Variants in APC observed in about 807,000 individuals in gnomAD.
APC encodes adenomatous polyposis coli protein.
In APC, 72 loss-of-function variants were observed where a neutral mutation model predicts 247.0. The observed-to-expected ratio is 0.29, with a 90% CI of 0.24 to 0.35. APC has a LOEUF of 0.35. APC is among the 10% of genes least tolerant of loss of function. The pLI, the probability that APC is intolerant of heterozygous loss-of-function variation, is 1.00. For synonymous variants in APC, 1,254 were observed against 1,162.5 expected (o/e 1.08, Z -1.60); for missense variants, 3,400 against 3,360.7 (o/e 1.01, Z -0.29).
In APC at chr5:112,845,507, C is replaced by G. The variant is rs1482317946; in HGVS notation, c.*1381C>G. On this transcript the variant is annotated 3_prime_UTR_variant, in exon 16 of 16. Coordinates refer to ENST00000257430, the MANE Select transcript of APC (RefSeq NM_000038.6). Reference sequence around the variant, plus strand: ...ATCACCCTGTATGTTAGGGCAAGATCTCAGCAGTGAAGTATAATCAGCACT... The same window carrying G: ...ATCACCCTGTATGTTAGGGCAAGATGTCAGCAGTGAAGTATAATCAGCACT... 3 of 233,190 alleles carry G rather than the reference C, an allele frequency of 1.3e-5. No individual in the cohort carries two copies. The highest frequency in any genetic ancestry group is 1.2e-3 in the Middle Eastern group (1 of 806). 14.4% of individuals were successfully genotyped at this position (233,190 alleles called of 1,614,324 possible).
chr5:112,806,327 CT>C (rs1458404341), intron 8 of APC, among the ~76,000 whole-genome samples: 1 of 152,102 alleles, frequency 6.6e-6, no homozygotes, highest in African/African-American at 2.4e-5. Flanking sequence ...GGGATTCTAT[CT>C]AGTTTTGTTA....
intron 2 of APC, among the ~76,000 whole-genome samples, chr5:112,765,445 C>G (rs1756180142): frequency 6.6e-6 from 1 of 152,116 alleles, no homozygotes; most frequent in Non-Finnish European, 1.5e-5. Flanking sequence ...ATCAGTGAAA[C>G]CGTCTTTGCT....
chr5:112,824,049 G>A (rs907405478), intron 11 of APC, among the ~76,000 whole-genome samples: 1 of 152,162 alleles, frequency 6.6e-6, no homozygotes, highest in Non-Finnish European at 1.5e-5. Context: ...TAAAACAAAA[G>A]CAATATGCTT....
At position 112,841,104 on chromosome 5, in the gene APC, G is replaced by A. The variant is rs1580660851; in HGVS notation, c.5510G>A (p.Ser1837Asn). 1.2e-6 allele frequency: 2 copies of A among 1,613,044 alleles called. No homozygotes were observed. Among genetic ancestry groups the A allele is most frequent in the Non-Finnish European group, 1.7e-6 (2 of 1,179,058 alleles). ...LPNNEDRVRGSFAFDSPHHYT... is the reference protein window; with the variant it reads ...LPNNEDRVRGNFAFDSPHHYT... ...AATAATGAAGATAGAGTCAGAGGAA[G>A]TTTTGCTTTTGATTCACCTCATCAT... Residue 1837 changes from serine (S) to asparagine (N), a missense_variant, in exon 16 of 16, where the codon AGT (serine) becomes AAT (asparagine). This residue lies in a region of APC where 1,788 missense variants were observed against 1,649.5 expected (regional missense o/e 1.08). Transcript: ENST00000257430. The surrounding 1 kb of genome is among the most constrained non-coding windows in gnomAD (Gnocchi z 4.6).
chr5:112,818,855 G>GGGTGTTTTTTTTTTTT, intron 9 of APC, 111 bp from the exon 10 acceptor site: 4 of 1,118,282 alleles, frequency 3.6e-6, no homozygotes, highest in East Asian at 2.6e-5. Context: ...GGCGGGGGGG[G>GGGTGTTTTTTTTTTTT]TTGTTTTGTT....
Position 112,845,033 on chromosome 5 carries a change from T to C in APC, c.*907T>C, listed in dbSNP as rs1203089226. ...GGGTCTTGTTTCACATTTGTATTAATAATTGTTTAAAATGCCTCTTTTAAA... is the reference window on the plus strand; with the variant it reads ...GGGTCTTGTTTCACATTTGTATTAACAATTGTTTAAAATGCCTCTTTTAAA... On this transcript the variant is annotated 3_prime_UTR_variant, in exon 16 of 16. Coordinates refer to ENST00000257430, the MANE Select transcript of APC (RefSeq NM_000038.6). 1.7e-5 allele frequency: 4 copies of C among 232,122 alleles called. No homozygotes were observed. Among genetic ancestry groups the C allele is most frequent in the Non-Finnish European group, 3.4e-5 (4 of 117,298 alleles). The allele number at this position is 232,122 out of a possible 1,614,324, so 14.4% of individuals were successfully genotyped here. A position where few individuals can be genotyped will look rare whatever the true frequency, so the allele number is the denominator to read the frequency against.
At chr5:112,821,126 C>A (rs539004546) in intron 10 of APC, among the ~76,000 whole-genome samples, 1 of 151,466 alleles carries the variant, frequency 6.6e-6, no homozygotes, top group Non-Finnish European at 1.5e-5. Context: ...ACTTCAGCCT[C>A]CCAAAGTGCT....
At position 112,709,899 on chromosome 5, in the gene APC, T is replaced by A. The variant is rs142155237; in HGVS notation, c.165+2017T>A. Among the ~76,000 whole-genome samples the A allele has an allele frequency of 8.6e-3, 1,305 of 152,194 alleles. 9 individuals are homozygous for A. Among genetic ancestry groups the A allele is most frequent in the Non-Finnish European group, 0.012 (817 of 67,982 alleles). On this transcript the variant is annotated intron_variant, in intron 1 of 13. Transcript: ENST00000507379. ...CAGTCTGGGTGACAGTAAGACCCTG[T>A]CTCCTAACAAACAAACAAACCCTCT...
At chr5:112,794,601 C>T (rs1352006571) in intron 7 of APC, among the ~76,000 whole-genome samples, 1 of 152,170 alleles carries the variant, frequency 6.6e-6, no homozygotes, top group Non-Finnish European at 1.5e-5. Context: ...GCCAAGCTGT[C>T]TATAAATTCC....
chr5:112,746,999 G>A (rs1188532720), intron 1 of APC, among the ~76,000 whole-genome samples: 1 of 152,096 alleles, frequency 6.6e-6, no homozygotes, highest in Non-Finnish European at 1.5e-5. Flanking sequence ...AGCAATATTT[G>A]TTTTTCTTTC....
At chr5:112,768,510 CTTCT>C (rs1302110969) in intron 4 of APC, among the ~76,000 whole-genome samples, 2 of 148,412 alleles carry the variant, frequency 1.3e-5, no homozygotes, top group Admixed American at 1.3e-4. Flanking sequence ...AAATGAAATA[CTTCT>C]TTTTTTTTTT....
chr5:112,842,604 G>A lies in APC; in HGVS notation c.7010G>A (p.Ser2337Asn), dbSNP rs1464047428. The A allele has an allele frequency of 5.0e-6, 8 of 1,613,854 alleles. No homozygotes were observed. Among genetic ancestry groups the A allele is most frequent in the African/African-American group, 1.3e-5 (1 of 75,022 alleles). The change falls in exon 16 of 16, where the codon AGT becomes AAT. Residue 2337 changes from serine to asparagine, a missense_variant. Around this residue, in one of 9 missense-constraint regions of APC, gnomAD observed 1,788 missense variants for 1,649.5 expected, o/e 1.08. Transcript: ENST00000257430. ...NSISPGRNGI[S>N]PPNKLSQLPR... ...ATTTCCCCTGGTAGAAATGGAATAA[G>A]TCCTCCTAACAAATTATCTCAACTT...
At chr5:112,755,959 A>G (rs1424928083) in intron 2 of APC, among the ~76,000 whole-genome samples, 1 of 151,422 alleles carries the variant, frequency 6.6e-6, no homozygotes, top group African/African-American at 2.4e-5. Flanking sequence ...AAAAAAAAAA[A>G]TTACTTCCTT....
At chr5:112,709,368 A>G (rs1444407706) in intron 1 of APC, among the ~76,000 whole-genome samples, 3 of 152,172 alleles carry the variant, frequency 2.0e-5, no homozygotes, top group African/African-American at 4.8e-5. Flanking sequence ...GCTTAAAAGA[A>G]GGAGGAATAT....
Position 112,775,851 on chromosome 5 carries a change from C to T in APC, c.531+114C>T, listed in dbSNP as rs534571137. ...TGAATTTATAGTTATTTGTAAATTGCAATATGTTTTACCCAACTTTAGGCC... is the reference window on the plus strand; with the variant it reads ...TGAATTTATAGTTATTTGTAAATTGTAATATGTTTTACCCAACTTTAGGCC... On this transcript the variant is annotated intron_variant, in intron 5 of 15. Coordinates refer to ENST00000257430, the MANE Select transcript of APC (RefSeq NM_000038.6). 4.5e-4 allele frequency: 281 copies of T among 625,316 alleles called. 9 individuals carry two copies. In the South Asian group the frequency reaches 6.4e-3, roughly 14 times the overall value. The allele number at this position is 625,316 out of a possible 1,614,324, so 38.7% of individuals were successfully genotyped here.
intron 8 of APC, among the ~76,000 whole-genome samples, chr5:112,807,944 C>G (rs2464809): frequency 2.0e-5 from 3 of 152,072 alleles, no homozygotes; most frequent in African/African-American, 7.2e-5. Flanking sequence ...CACTTGAGGT[C>G]AGGAGTTCAA....
chr5:112,802,844 T>C (rs1346132347), intron 8 of APC, among the ~76,000 whole-genome samples: 2 of 152,002 alleles, frequency 1.3e-5, no homozygotes, highest in Admixed American at 1.3e-4. Context: ...TTATGACGTG[T>C]AAAAAGTTAA....
At chr5:112,749,684 C>G (rs1218280415) in intron 1 of APC, among the ~76,000 whole-genome samples, 1 of 151,596 alleles carries the variant, frequency 6.6e-6, no homozygotes, top group African/African-American at 2.4e-5. Flanking sequence ...GGCGGGGTTT[C>G]ACCATGTTGG....
intron 1 of APC, among the ~76,000 whole-genome samples, chr5:112,725,107 C>T (rs1483359831): frequency 6.6e-6 from 1 of 152,004 alleles, no homozygotes; most frequent in Non-Finnish European, 1.5e-5. Context: ...GCCTAGCCTC[C>T]CCAGTTACAG....
Sources: gnomAD v4.1 joint callset for allele counts (sites outside exome capture counted in the v4.1 genomes callset) on GRCh38, gnomAD v4.1.1 for gene constraint, gnomAD v4.1.1 regional missense constraint, Gnocchi (gnomAD v3.1) non-coding constraint, MANE v1.5 for transcripts, NCBI Gene and HGNC (gene_info 2026-07-23, HGNC 2026-07-21) for gene names.